SNX30: variants seen among roughly 807,000 people sequenced by gnomAD.
The protein encoded by SNX30 is sorting nexin family member 30, also known as sorting nexin-30.
SNX30 carries 24 observed loss-of-function variants against 46.4 expected under a neutral mutation model. The observed-to-expected ratio is 0.52, with a 90% CI of 0.37 to 0.73. The LOEUF (loss-of-function observed/expected upper bound fraction) is 0.73, where lower values mean the gene tolerates loss of function less well. SNX30 is among the 30% of genes least tolerant of loss of function. SNX30 has a pLI of 0.00. For synonymous variants in SNX30, 189 were observed against 211.5 expected (o/e 0.89, Z 0.92); for missense variants, 533 against 555.7 (o/e 0.96, Z 0.41).
chr9:112,792,677 C>G (rs561429636), intron 1 of SNX30, among the ~76,000 whole-genome samples: 1 of 152,144 alleles, frequency 6.6e-6, no homozygotes, highest in African/African-American at 2.4e-5. Flanking sequence ...CCACCTGCCT[C>G]GGTCTCCCAA....
At chr9:112,875,300 T>G (rs1023028136), downstream of SNX30, 1 of 152,248 alleles carries the variant, frequency 6.6e-6, no homozygotes, top group African/African-American at 2.4e-5. Context: ...AGGTATTTAC[T>G]ACATGAAAGA....
chr9:112,834,840 AC>A (rs1466843337), intron 4 of SNX30, among the ~76,000 whole-genome samples: 1,586 of 109,070 alleles, frequency 0.015, 30 homozygotes, highest in African/African-American at 0.05. Flanking sequence ...ACACACACAC[AC>A]AAACACACAC....
Position 112,868,835 on chromosome 9 carries a change from G to A in SNX30, c.1306G>A (p.Ala436Thr). ...IIPLLQEKQEAK is the reference protein window; with the variant it reads ...IIPLLQEKQETK ...TCCACTACTGCAGGAGAAACAAGAG[G>A]CCAAGTAAAGTTCTTTCTTGGGACG... Residue 436 changes from alanine to threonine, a missense_variant, in exon 9 of 9, where the codon GCC (alanine) becomes ACC (threonine). Coordinates refer to ENST00000374232, the MANE Select transcript of SNX30 (RefSeq NM_001012994.2). 1 of 1,614,158 alleles carries A rather than the reference G, an allele frequency of 6.2e-7. No homozygotes were observed. Among genetic ancestry groups the A allele is most frequent in the African/African-American group, 1.3e-5 (1 of 75,054 alleles).
chr9:112,785,559 T>G (rs896917535), intron 1 of SNX30, among the ~76,000 whole-genome samples: 5 of 152,090 alleles, frequency 3.3e-5, no homozygotes, highest in Admixed American at 3.3e-4. Context: ...AATTTTTGTA[T>G]TTTTTGTAGA....
At chr9:112,764,572 C>T (rs566341658) in intron 1 of SNX30, among the ~76,000 whole-genome samples, 151 of 151,908 alleles carry the variant, frequency 9.9e-4, no homozygotes, top group Admixed American at 2.2e-3. Context: ...GTGTTTTAAG[C>T]GGGGGAGGAA....
intron 1 of SNX30, among the ~76,000 whole-genome samples, chr9:112,760,832 C>G (rs900395050): frequency 2.0e-5 from 3 of 152,110 alleles, no homozygotes; most frequent in Non-Finnish European, 4.4e-5. Flanking sequence ...CTATTGGCAG[C>G]CCCACTAGCT....
intron 7 of SNX30, among the ~76,000 whole-genome samples, chr9:112,854,261 C>T (rs560055446): frequency 6.6e-6 from 1 of 152,314 alleles, no homozygotes; most frequent in East Asian, 1.9e-4. Context: ...TGGTTTTGTG[C>T]CCTCAGACCC....
At chr9:112,796,613 T>C (rs1840112475) in intron 1 of SNX30, among the ~76,000 whole-genome samples, 1 of 152,228 alleles carries the variant, frequency 6.6e-6, no homozygotes, top group Non-Finnish European at 1.5e-5. Flanking sequence ...GGGGGAGGTC[T>C]ATTGCCATGA....
chr9:112,817,726 C>T lies in SNX30; in HGVS notation c.370C>T (p.Leu124=), dbSNP rs1840422885. 2.5e-6 allele frequency: 4 copies of T among 1,611,552 alleles called. No individual in the cohort carries two copies. Among genetic ancestry groups the T allele is most frequent in the Non-Finnish European group, 3.4e-6 (4 of 1,178,092 alleles). The change falls in exon 3 of 9, where the codon CTG becomes TTG. Residue 124 remains leucine (L), a synonymous_variant. Coordinates refer to ENST00000374232, the MANE Select transcript of SNX30 (RefSeq NM_001012994.2). ...TTKSTRVEFD[L]PEYSVRRRYQ... is the part of the protein sequence containing the mutation. ...GCAGAGTACTCGGGTGGAGTTTGAC[C>T]TGCCAGAATATTCTGTTCGTCGAAG...
At chr9:112,840,581 G>C (rs1369656209) in intron 6 of SNX30, among the ~76,000 whole-genome samples, 1 of 152,092 alleles carries the variant, frequency 6.6e-6, no homozygotes, top group East Asian at 1.9e-4. Context: ...TGCCTCCTGG[G>C]TTCAAGTGAT....
chr9:112,857,435 G>A (rs1024460548), intron 7 of SNX30, among the ~76,000 whole-genome samples: 3 of 152,022 alleles, frequency 2.0e-5, no homozygotes, highest in South Asian at 2.1e-4. Flanking sequence ...CCAGCCTGGG[G>A]GCTCTGGCTT....
chr9:112,850,865 T>C lies in SNX30; in HGVS notation c.1021T>C (p.Leu341=). The change falls in exon 7 of 9, where the codon TTG becomes CTG. Residue 341 remains leucine (L), a synonymous_variant. Coordinates refer to ENST00000374232, the MANE Select transcript of SNX30 (RefSeq NM_001012994.2). ...TCTCCTCTGCCTCCCACAGAGTGTA[T>C]TGAAGAAGAGGGACCAAGTTCAAGC... ...ILYSDSMKSV[L]KKRDQVQAEY... The C allele has an allele frequency of 2.5e-6, 4 of 1,613,354 alleles. No individual in the cohort carries two copies. The highest frequency in any genetic ancestry group is 1.3e-5 in the African/African-American group (1 of 74,998).
At chr9:112,814,943 A>G (rs1283102584) in intron 2 of SNX30, among the ~76,000 whole-genome samples, 1 of 152,234 alleles carries the variant, frequency 6.6e-6, no homozygotes, top group Non-Finnish European at 1.5e-5. Context: ...AATACTATGT[A>G]TGTGTTAAAA....
chr9:112,771,932 T>G (rs1221526859), intron 1 of SNX30, among the ~76,000 whole-genome samples: 1 of 152,234 alleles, frequency 6.6e-6, no homozygotes, highest in Non-Finnish European at 1.5e-5. Context: ...GTCAATTTTG[T>G]GAACTTTTTG....
chr9:112,755,587 T>C (rs557387075), intron 1 of SNX30, among the ~76,000 whole-genome samples: 16 of 152,038 alleles, frequency 1.1e-4, no homozygotes, highest in African/African-American at 3.9e-4. Context: ...GGCTGTTCAA[T>C]TGAGACTACC....
At chr9:112,769,298 C>T (rs1048706387) in intron 1 of SNX30, among the ~76,000 whole-genome samples, 12 of 152,156 alleles carry the variant, frequency 7.9e-5, no homozygotes, top group Admixed American at 6.5e-5. Context: ...TCTTTTGATC[C>T]TCCCTTCACT....
At chr9:112,878,242 TTA>T, downstream of SNX30, 1 of 152,420 alleles carries the variant, frequency 6.6e-6, no homozygotes. Flanking sequence ...AAAGGATATT[TTA>T]TGTTATTCCT....
intron 1 of SNX30, among the ~76,000 whole-genome samples, chr9:112,773,129 C>T (rs957948653): frequency 1.3e-5 from 2 of 152,096 alleles, no homozygotes; most frequent in Admixed American, 6.6e-5. Context: ...GGTGTGAGGC[C>T]GTTGCAGCTG....
rs1371825239 is a variant in SNX30 at position 112,844,244 on chromosome 9, C to T, written c.1014+5547C>T. On this transcript the variant is annotated intron_variant, in intron 6 of 8. Transcript: ENST00000374232. ...TTTTGGCTTTAGCAGCTGGGTGGAT[C>T]GCAGTACTGTTTATTGGGACGGGGA... is the stretch of plus-strand genomic sequence containing the variant. Among the ~76,000 whole-genome samples the T allele has an allele frequency of 2.6e-5, 4 of 152,122 alleles. No individual in the cohort carries two copies. In the East Asian group the frequency reaches 7.7e-4, roughly 29 times the overall value.
Sources: allele counts gnomAD v4.1 joint callset (sites outside exome capture counted in the v4.1 genomes callset), GRCh38; gene constraint gnomAD v4.1.1; transcripts MANE v1.5; gene names NCBI Gene and HGNC (gene_info 2026-07-23, HGNC 2026-07-21).